CCDC17: variants seen among roughly 807,000 people sequenced by gnomAD.
CCDC17 encodes coiled-coil domain containing 17.
Under a neutral mutation model 68.0 loss-of-function variants are expected in CCDC17, and 79 were observed. The ratio of observed to expected loss-of-function variants is 1.16; its 90% CI spans 0.97 to 1.40. CCDC17 has a LOEUF of 1.40. Ranked by LOEUF, CCDC17 falls within the 40% of genes most tolerant of loss-of-function variation. The pLI, the probability that CCDC17 is intolerant of heterozygous loss-of-function variation, is 0.00. For synonymous variants in CCDC17, 376 were observed against 337.5 expected, an observed-to-expected ratio of 1.11 and a Z score of -1.25; for missense variants, 846 against 811.5, an observed-to-expected ratio of 1.04 and a Z score of -0.52.
chr1:45,621,569 C>T (rs978767086), intron 9 of CCDC17, 69 bp downstream of exon 9: 1 of 1,590,876 alleles, frequency 6.3e-7, no homozygotes, highest in Non-Finnish European at 8.6e-7. Context: ...CTATCTGGTC[C>T]TAGTGGGCTC....
At position 45,622,835 on chromosome 1, in the gene CCDC17, C is replaced by G. The variant is rs753679392; in HGVS notation, c.657-1G>C. The stretch of plus-strand genomic sequence containing the variant: ...CTCTCGCCGGGAGCTCAGCGGGTTC[C>G]TGGGGTGGCAGGCGACGCGCAGGGA... On this transcript the variant is annotated splice_acceptor_variant, in intron 4 of 12. Coordinates refer to ENST00000528266, the MANE Select transcript of CCDC17 (RefSeq NM_001114938.3). LOFTEE classifies it high-confidence loss of function. 8.3e-5 allele frequency: 133 copies of G among 1,596,360 alleles called. 1 individual carries two copies. The Admixed American group carries it at 2.3e-3, about 27-fold the overall frequency.
At position 45,620,381 on chromosome 1, in the gene CCDC17, AAGC is replaced by A. The variant is rs1644203766; in HGVS notation, c.1760_1762del (p.Gly587_Phe588delinsVal). ...TTCTGTACGAGGTGGGGGATCAGCA[AAGC>A]CAACTGCGGGGGTGAGGAAGCTGGC... On this transcript the variant is annotated inframe_deletion, in exon 13 of 13. Transcript: ENST00000528266. The A allele has an allele frequency of 6.2e-7, 1 of 1,604,770 alleles. No homozygotes were observed. Among genetic ancestry groups the A allele is most frequent in the East Asian group, 2.2e-5 (1 of 44,760 alleles).
At chr1:45,622,881 C>T in intron 4 of CCDC17, 47 bp from the exon 5 acceptor site, 1 of 1,573,448 alleles carries the variant, frequency 6.4e-7, no homozygotes, top group East Asian at 2.4e-5. Flanking sequence ...CATCAGAGGC[C>T]CCGGGGCTGC....
rs1185796850 is a variant in CCDC17, at chr1:45,621,025, A to G, written c.1477T>C (p.Trp493Arg). The change falls in exon 11 of 13, where the codon TGG (tryptophan) becomes CGG (arginine). Residue 493 changes from tryptophan (W) to arginine (R), a missense_variant. Trp to Arg is a moderately radical substitution (Grantham distance 101). Transcript: ENST00000528266. ...AWARAPQPKA[W>R]VSLGLFDQDQ... ...TGGTCAAATAGTCCAAGTGAGACCC[A>G]AGCCTTTGGCTGTGGTGCCCTAGCC... The G allele has an allele frequency of 6.2e-7, 1 of 1,613,826 alleles. No homozygotes were observed. Among genetic ancestry groups the G allele is most frequent in the Non-Finnish European group, 8.5e-7 (1 of 1,179,874 alleles).
rs1459503003 is a variant in CCDC17, at chr1:45,622,678, G to T, written c.741-11C>A. 3 of 1,554,970 alleles carry T rather than the reference G, an allele frequency of 1.9e-6. No individual in the cohort carries two copies. Among genetic ancestry groups the T allele is most frequent in the Non-Finnish European group, 2.6e-6 (3 of 1,148,946 alleles). On this transcript the variant is annotated splice_polypyrimidine_tract_variant and intron_variant, in intron 5 of 12. Transcript: ENST00000528266. The stretch of plus-strand genomic sequence containing the variant: ...GCCTCCCGCAGCGCCCTAGGGAGTG[G>T]GGAACAGGAAGGCCGTCTTTCCAGA...
In CCDC17 at chr1:45,621,715, C is replaced by A; in HGVS notation, c.1107G>T (p.Met369Ile). Residue 369 changes from methionine to isoleucine, a missense_variant, in exon 9 of 13, where the codon ATG becomes ATT. Physicochemically the swap from Met to Ile is conservative, Grantham distance 10 (BLOSUM62 1). Transcript: ENST00000528266. ...GTGAGTCCAGGCCCAGGTTTCTGGT[C>A]ATTGTTCCAGGAAGCTGTGGCTGTG... ...GFSEPQLPGT[M>I]TRNLGLDSHF... 1.9e-6 allele frequency: 3 copies of A among 1,613,748 alleles called. No homozygotes were observed. In the South Asian group the frequency reaches 3.3e-5, roughly 18 times the overall value.
At chr1:45,621,178 T>C in intron 10 of CCDC17, 65 bp from the exon 11 acceptor site, 1 of 1,576,150 alleles carries the variant, frequency 6.3e-7, no homozygotes, top group Non-Finnish European at 8.6e-7. Flanking sequence ...GACTTAGCCC[T>C]TTAGAGCCAG....
rs1374845247 is a variant in CCDC17, at chr1:45,623,052, C to T, written c.559G>A (p.Glu187Lys). Residue 187 changes from glutamate (E) to lysine (K), a missense_variant, in exon 4 of 13, where the codon GAG (glutamate) becomes AAG (lysine). By Grantham distance (56) the Glu-to-Lys change is moderately conservative (BLOSUM62 1). Transcript: ENST00000528266. Reference protein sequence around the residue: ...RGGMSRLFGLEQEIRELQAEA... With the variant: ...RGGMSRLFGLKQEIRELQAEA... ...GCTTGTAGTTCTCGAATCTCCTGCT[C>T]CAGGCCGAAGAGGCGGGACATCCCG... 10 of 1,611,066 alleles carry T rather than the reference C, an allele frequency of 6.2e-6. No homozygotes were observed. The highest frequency in any genetic ancestry group is 1.6e-4 in the Middle Eastern group (1 of 6,080).
intron 2 of CCDC17, 27 bp downstream of exon 2, chr1:45,623,530 G>A: frequency 6.5e-7 from 1 of 1,548,246 alleles, no homozygotes; most frequent in South Asian, 1.2e-5. Flanking sequence ...AACGTTTTGA[G>A]CCCTGGGGGA....
chr1:45,621,571 AGTG>A (rs1644257414), intron 9 of CCDC17, 64 bp downstream of exon 9: 1 of 1,592,504 alleles, frequency 6.3e-7, no homozygotes, highest in Admixed American at 1.8e-5. Flanking sequence ...ATCTGGTCCT[AGTG>A]GGCTCCCTTA....
In CCDC17 at chr1:45,623,629, G is replaced by A. The variant is rs1479740136; in HGVS notation, c.198C>T (p.Gly66=). The change falls in exon 2 of 13, where the codon GGC becomes GGT. Residue 66 remains glycine, a synonymous_variant. Coordinates refer to ENST00000528266, the MANE Select transcript of CCDC17 (RefSeq NM_001114938.3). Reference sequence around the variant, plus strand: ...GGAGGCCCTGGGGTTCTTGTGGCACGCCCTGGTGTTCTTGTGGCACAACCT... The same window carrying A: ...GGAGGCCCTGGGGTTCTTGTGGCACACCCTGGTGTTCTTGTGGCACAACCT... ...RAAVVPQEHQ[G]VPQEPQGLPD... The A allele has an allele frequency of 2.6e-6, 4 of 1,551,180 alleles. No homozygotes were observed.
Position 45,623,444 on chromosome 1 carries a change from AG to A in CCDC17, c.271-6del. The A allele has an allele frequency of 6.5e-7, 1 of 1,550,244 alleles. No homozygotes were observed. The highest frequency in any genetic ancestry group is 8.7e-7 in the Non-Finnish European group (1 of 1,146,712). On this transcript the variant is annotated splice_polypyrimidine_tract_variant and splice_region_variant and intron_variant, in intron 2 of 12. Transcript: ENST00000528266. Reference sequence around the variant, plus strand: ...GGATAGCCGCAGCCACTGCACCTGGAGGTAACAGCGATCCGCGATCTCTGCG... The same window carrying A: ...GGATAGCCGCAGCCACTGCACCTGGAGTAACAGCGATCCGCGATCTCTGCG...
rs772319542 is a variant in CCDC17, at chr1:45,621,070, C to A, written c.1432G>T (p.Val478Phe). 2 of 1,613,996 alleles carry A rather than the reference C, an allele frequency of 1.2e-6. No homozygotes were observed. Among genetic ancestry groups the A allele is most frequent in the Non-Finnish European group, 1.7e-6 (2 of 1,179,892 alleles). The change falls in exon 11 of 13, where the codon GTC (valine) becomes TTC (phenylalanine). Residue 478 changes from valine to phenylalanine, a missense_variant. By Grantham distance (50) the Val-to-Phe change is conservative (BLOSUM62 -1). Coordinates refer to ENST00000528266, the MANE Select transcript of CCDC17 (RefSeq NM_001114938.3). ...SSVSLVCELQ[V>F]WQGLAWARAP... ...CTAGCCCATGCTAGCCCCTGCCAGA[C>A]CTGCAGCTCACAGACCAAAGATACT...
At position 45,620,157 on chromosome 1, in the gene CCDC17, C is replaced by T; in HGVS notation, c.*118G>A. The T allele has an allele frequency of 8.4e-7, 1 of 1,197,468 alleles. No individual in the cohort carries two copies. The highest frequency in any genetic ancestry group is 1.1e-6 in the Non-Finnish European group (1 of 879,410). 74.2% of individuals were successfully genotyped at this position (1,197,468 alleles called of 1,614,324 possible). A position where few individuals can be genotyped will look rare whatever the true frequency, so the allele number is the denominator to read the frequency against. On this transcript the variant is annotated 3_prime_UTR_variant, in exon 13 of 13. Coordinates refer to ENST00000528266, the MANE Select transcript of CCDC17 (RefSeq NM_001114938.3). ...CTGTGGTTGGAACTGGTTTTCTGTA[C>T]TCAACTGCTAGATGCTTCTAGACCC...
Position 45,623,505 on chromosome 1 carries a change from T to C in CCDC17, c.270+52A>G, listed in dbSNP as rs984395096. 3.9e-6 allele frequency: 6 copies of C among 1,548,908 alleles called. No individual in the cohort carries two copies. The Admixed American group carries it at 1.2e-4, about 30-fold the overall frequency. On this transcript the variant is annotated intron_variant, in intron 2 of 12. Coordinates refer to ENST00000528266, the MANE Select transcript of CCDC17 (RefSeq NM_001114938.3). The stretch of plus-strand genomic sequence containing the variant: ...TCTGTCCCAAGTATGATCTACAGGT[T>C]TGGGGAAGACGCTCAACGTTTTGAG...
chr1:45,622,138 GGGAGTCACAAACAC>G (rs1644286608), intron 7 of CCDC17, 89 bp downstream of exon 7: 3 of 1,291,406 alleles, frequency 2.3e-6, no homozygotes, highest in Non-Finnish European at 2.2e-6. Flanking sequence ...CATGAACTAG[GGGAGTCACAAACAC>G]GGGTCTTGTT....
rs548045275 is a variant in CCDC17, at chr1:45,622,847, G to A, written c.657-13C>T. ...GCTCAGCGGGTTCCTGGGGTGGCAGGCGACGCGCAGGGAGACGGTAACGCA... is the reference window on the plus strand; with the variant it reads ...GCTCAGCGGGTTCCTGGGGTGGCAGACGACGCGCAGGGAGACGGTAACGCA... On this transcript the variant is annotated splice_polypyrimidine_tract_variant and intron_variant, in intron 4 of 12. Coordinates refer to ENST00000528266, the MANE Select transcript of CCDC17 (RefSeq NM_001114938.3). 3 of 1,589,034 alleles carry A rather than the reference G, an allele frequency of 1.9e-6. No individual in the cohort carries two copies. In the South Asian group the frequency reaches 3.4e-5, roughly 18 times the overall value.
chr1:45,622,070 G>A (rs1433971249), intron 7 of CCDC17, 75 bp from the exon 8 acceptor site: 1 of 1,457,104 alleles, frequency 6.9e-7, no homozygotes, highest in Admixed American at 2.0e-5. Flanking sequence ...TCCCCCAAGA[G>A]TTGGGCCCAC....
In CCDC17 at chr1:45,623,664, G is replaced by A. The variant is rs1282656328; in HGVS notation, c.175-12C>T. 2 of 1,551,686 alleles carry A rather than the reference G, an allele frequency of 1.3e-6. No homozygotes were observed. The highest frequency in any genetic ancestry group is 2.4e-5 in the East Asian group (1 of 40,928). On this transcript the variant is annotated splice_polypyrimidine_tract_variant and intron_variant, in intron 1 of 12. Transcript: ENST00000528266. The stretch of plus-strand genomic sequence containing the variant: ...TCTTGTGGCACAACCTGGGGATAGG[G>A]TGTAGTAGGATGAGGAATCATAAAG...
Sources: allele counts gnomAD v4.1 joint callset, GRCh38; gene constraint gnomAD v4.1.1; transcripts MANE v1.5; gene names NCBI Gene and HGNC (gene_info 2026-07-23, HGNC 2026-07-21).